PLOD1: variants seen among roughly 807,000 people sequenced by gnomAD.
PLOD1 encodes the protein lysine hydroxylase.
PLOD1 carries 70 observed loss-of-function variants against 94.7 expected under a neutral mutation model. The ratio of observed to expected loss-of-function variants is 0.74; its 90% confidence interval spans 0.61 to 0.90. The LOEUF is 0.90. Among genes scored for constraint, PLOD1 ranks in the 40% least tolerant of loss-of-function variants. The probability of loss-of-function intolerance (pLI) is 0.00; values close to 1 mark genes in which losing one functional copy is unlikely to be tolerated. For synonymous variants in PLOD1, 417 were observed against 400.2 expected, an observed-to-expected ratio of 1.04 and a Z score of -0.50; for missense variants, 905 against 972.7, an observed-to-expected ratio of 0.93 and a Z score of 0.93.
At chr1:11,962,238 C>T (rs535105393) in intron 10 of PLOD1, among the ~76,000 whole-genome samples, 10 of 147,808 alleles carry the variant, frequency 6.8e-5, no homozygotes, top group Non-Finnish European at 1.3e-4. Context: ...TGATGACCTT[C>T]ACATAATTTT....
intron 12 of PLOD1, 63 bp downstream of exon 12, chr1:11,964,363 T>TG: frequency 3.3e-6 from 5 of 1,509,456 alleles, no homozygotes; most frequent in Middle Eastern, 2.3e-4. Flanking sequence ...CCTGGGCTTG[T>TG]GGGGCTCCCT....
chr1:11,955,629 T>C (rs970702934), intron 6 of PLOD1, among the ~76,000 whole-genome samples: 1 of 152,026 alleles, frequency 6.6e-6, no homozygotes, highest in Non-Finnish European at 1.5e-5. Flanking sequence ...TTCCTTTTTT[T>C]TTCTTCTTTT....
At chr1:11,944,437 AC>A (rs2100738251) in intron 1 of PLOD1, 25 of 820,456 alleles carry the variant, frequency 3.0e-5, no homozygotes, top group East Asian at 1.4e-4. Context: ...ACACACACAC[AC>A]ACACACACAC....
Position 11,975,205 on chromosome 1 carries a change from C to G in PLOD1, c.*397C>G, listed in dbSNP as rs1028618453. The G allele has an allele frequency of 6.3e-6, 2 of 317,370 alleles. No homozygotes were observed. Among genetic ancestry groups the G allele is most frequent in the African/African-American group, 4.3e-5 (2 of 46,560 alleles). 19.7% of individuals were successfully genotyped at this position (317,370 alleles called of 1,614,324 possible). ...TCTGGGTGAGAAGCCATGGCCAGAG[C>G]TTCTCCCAGGCACAGGTGTTGCACC... On this transcript the variant is annotated 3_prime_UTR_variant, in exon 19 of 19. Transcript: ENST00000196061.
Position 11,954,909 on chromosome 1 carries a change from G to T in PLOD1, c.643+16G>T. Reference sequence around the variant, plus strand: ...GGAGCCTTGGGTGAGCAGCCCCCACGGGGAGGGGTGGATCCTCAGAGGGGT... The same window carrying T: ...GGAGCCTTGGGTGAGCAGCCCCCACTGGGAGGGGTGGATCCTCAGAGGGGT... On this transcript the variant is annotated intron_variant, in intron 6 of 18. Transcript: ENST00000196061. 1.9e-6 allele frequency: 3 copies of T among 1,596,380 alleles called. No homozygotes were observed. Among genetic ancestry groups the T allele is most frequent in the Non-Finnish European group, 2.6e-6 (3 of 1,163,962 alleles).
intron 1 of PLOD1, among the ~76,000 whole-genome samples, chr1:11,944,220 G>A (rs371071358): frequency 6.6e-6 from 1 of 151,352 alleles, no homozygotes; most frequent in African/African-American, 2.4e-5. Flanking sequence ...GTGACAGAGC[G>A]AGACTCTGTC....
At chr1:11,962,155 C>T (rs1645782339) in intron 10 of PLOD1, among the ~76,000 whole-genome samples, 1 of 152,036 alleles carries the variant, frequency 6.6e-6, no homozygotes. Flanking sequence ...GTCTCAAACT[C>T]CTGGCTTGAA....
chr1:11,959,788 T>C (rs1645765238), intron 9 of PLOD1, among the ~76,000 whole-genome samples: 1 of 151,472 alleles, frequency 6.6e-6, no homozygotes, highest in African/African-American at 2.4e-5. Context: ...TGGCTAATTT[T>C]TTGTATTTTA....
rs1238851849 is a variant in PLOD1, at chr1:11,958,079, A to G, written c.843+136A>G. On this transcript the variant is annotated intron_variant, in intron 8 of 18. Transcript: ENST00000196061. This position sits in a 1 kb window ranked among gnomAD's most constrained non-coding sequence, Gnocchi z 4.3. ...GGGTCACCTCCCTGCCTGGGGTTCT[A>G]TCCCGGTTGCCACCCAAGTGCCTCC... 3 of 685,848 alleles carry G rather than the reference A, an allele frequency of 4.4e-6. No individual in the cohort carries two copies. Among genetic ancestry groups the G allele is most frequent in the South Asian group, 1.7e-5 (1 of 58,898 alleles). 42.5% of individuals were successfully genotyped at this position (685,848 alleles called of 1,614,324 possible).
Position 11,963,527 on chromosome 1 carries a change from T to C in PLOD1, c.1098-5T>C. The C allele has an allele frequency of 2.5e-6, 4 of 1,586,228 alleles. No homozygotes were observed. Among genetic ancestry groups the C allele is most frequent in the Non-Finnish European group, 3.4e-6 (4 of 1,164,882 alleles). ...TGCACTGACCCTGTGTCCTCCTCCTTGCAGAGACCTGTGCCGGCAGGACCG... is the reference window on the plus strand; with the variant it reads ...TGCACTGACCCTGTGTCCTCCTCCTCGCAGAGACCTGTGCCGGCAGGACCG... On this transcript the variant is annotated splice_region_variant and splice_polypyrimidine_tract_variant and intron_variant, in intron 10 of 18. Transcript: ENST00000196061. This position sits in a 1 kb window ranked among gnomAD's most constrained non-coding sequence, Gnocchi z 4.3.
At chr1:11,960,003 CACT>C (rs1239306510) in intron 9 of PLOD1, among the ~76,000 whole-genome samples, 2 of 148,848 alleles carry the variant, frequency 1.3e-5, no homozygotes, top group African/African-American at 5.0e-5. Flanking sequence ...GATCTTGGCT[CACT>C]GCAACCTCCG....
intron 1 of PLOD1, among the ~76,000 whole-genome samples, chr1:11,945,535 G>A (rs1645647391): frequency 3.9e-5 from 6 of 151,964 alleles, no homozygotes; most frequent in Admixed American, 2.6e-4. Context: ...TCCCTTGCAT[G>A]ATCCCTTGCA....
intron 4 of PLOD1, among the ~76,000 whole-genome samples, chr1:11,952,315 A>G (rs188693502): frequency 8.3e-4 from 126 of 152,340 alleles, no homozygotes; most frequent in African/African-American, 3.0e-3. Flanking sequence ...CCTGCTCTCC[A>G]GGGGCTCCTC....
chr1:11,950,332 C>T (rs775459324), intron 3 of PLOD1, 25 bp from the exon 4 acceptor site: 30 of 1,613,166 alleles, frequency 1.9e-5, no homozygotes, highest in East Asian at 6.7e-5. Context: ...TGCCCTGCTC[C>T]GTCTTCTCGC....
chr1:11,938,086 G>C (rs1170105697), intron 1 of PLOD1, among the ~76,000 whole-genome samples: 1 of 151,862 alleles, frequency 6.6e-6, no homozygotes, highest in East Asian at 1.9e-4. Flanking sequence ...CCAAGTAGCT[G>C]GGATCACAGG....
intron 6 of PLOD1, among the ~76,000 whole-genome samples, chr1:11,956,585 T>C (rs1284807757): frequency 1.3e-5 from 2 of 152,096 alleles, no homozygotes; most frequent in East Asian, 1.9e-4. Context: ...CTGAGGTGCC[T>C]GGAGCTGGGA....
At position 11,951,747 on chromosome 1, in the gene PLOD1, G is replaced by A. The variant is rs891939866; in HGVS notation, c.467-876G>A. On this transcript the variant is annotated intron_variant, in intron 4 of 18. Transcript: ENST00000196061. ...ATCCTGGCTAACACGATGAAACCCCGTCTCCACTAAAAATACAAAAAATTA... is the reference window on the plus strand; with the variant it reads ...ATCCTGGCTAACACGATGAAACCCCATCTCCACTAAAAATACAAAAAATTA... Among the ~76,000 whole-genome samples, 7 of 150,292 alleles carry A rather than the reference G, an allele frequency of 4.7e-5. No individual in the cohort carries two copies. In the South Asian group the frequency reaches 8.4e-4, roughly 18 times the overall value.
Position 11,963,679 on chromosome 1 carries a change from CT to C in PLOD1, c.1202+44del. ...GCACCCAGCACTGCTCAGGACTGGC[CT>C]GGTCCTGGGGTGGCAGCCCTCCTTG... On this transcript the variant is annotated intron_variant, in intron 11 of 18. Transcript: ENST00000196061. This position sits in a 1 kb window ranked among gnomAD's most constrained non-coding sequence, Gnocchi z 4.3. 5.2e-6 allele frequency: 7 copies of C among 1,357,106 alleles called. No homozygotes were observed. Among genetic ancestry groups the C allele is most frequent in the Non-Finnish European group, 7.3e-6 (7 of 965,256 alleles). The allele number at this position is 1,357,106 out of a possible 1,614,324, so 84.1% of individuals were successfully genotyped here.
intron 16 of PLOD1, among the ~76,000 whole-genome samples, chr1:11,968,349 A>G (rs558637934): frequency 6.6e-6 from 1 of 152,264 alleles, no homozygotes; most frequent in South Asian, 2.1e-4. Flanking sequence ...ATCTTGAATA[A>G]AAATACACCA....
Sources: allele counts gnomAD v4.1 joint callset (sites outside exome capture counted in the v4.1 genomes callset), GRCh38; gene constraint gnomAD v4.1.1; non-coding constraint Gnocchi (gnomAD v3.1); transcripts MANE v1.5; gene names NCBI Gene and HGNC (gene_info 2026-07-23, HGNC 2026-07-21).